Variants in KLHL17 observed in about 807,000 individuals in gnomAD.
KLHL17 encodes kelch like family member 17, also known as kelch-like protein 17.
A neutral mutation model predicts 64.6 loss-of-function variants in KLHL17; 71 were observed. The ratio of observed to expected loss-of-function variants is 1.10; its 90% CI spans 0.91 to 1.34. The LOEUF is 1.34. Among genes scored for constraint, KLHL17 ranks in the 40% most tolerant of loss-of-function variants. The probability of loss-of-function intolerance (pLI) is 0.00; values close to 1 mark genes in which losing one functional copy is unlikely to be tolerated. For missense variants in KLHL17, 1,140 were observed against 935.0 expected, an observed-to-expected ratio of 1.22 and a Z score of -2.86; for synonymous variants, 612 against 405.4, an observed-to-expected ratio of 1.51 and a Z score of -6.12.
chr1:965,455 G>A lies in KLHL17; in HGVS notation c.*264G>A. The A allele has an allele frequency of 5.6e-6, 3 of 538,992 alleles. No individual in the cohort carries two copies. The highest frequency in any genetic ancestry group is 9.8e-6 in the Non-Finnish European group (3 of 304,810). 33.4% of individuals were successfully genotyped at this position (538,992 alleles called of 1,614,324 possible). A position where few individuals can be genotyped will look rare whatever the true frequency, so the allele number is the denominator to read the frequency against. ...GGGGGCGCGGGGAGTGACCAGGCGG[G>A]GGCCTCACCGCCCCAGGGCCGTTGC... On this transcript the variant is annotated 3_prime_UTR_variant, in exon 12 of 12. Coordinates refer to ENST00000338591, the MANE Select transcript of KLHL17 (RefSeq NM_198317.3).
chr1:963,904 G>A lies in KLHL17; in HGVS notation c.1356-16G>A. 2 of 1,611,714 alleles carry A rather than the reference G, an allele frequency of 1.2e-6. No individual in the cohort carries two copies. The highest frequency in any genetic ancestry group is 2.2e-5 in the East Asian group (1 of 44,884). On this transcript the variant is annotated splice_polypyrimidine_tract_variant and intron_variant, in intron 8 of 11. Transcript: ENST00000338591. ...CTGTCTCTGCTGAGCTGTGGCTGCG[G>A]TCCTGGTGCCCACAGTGCTGAACGC...
At position 961,480 on chromosome 1, in the gene KLHL17, G is replaced by A. The variant is rs1213231074; in HGVS notation, c.295G>A (p.Ala99Thr). ...GLLCDIVLHVAAKEIRAHKVV... is the reference protein window; with the variant it reads ...GLLCDIVLHVTAKEIRAHKVV... The stretch of plus-strand genomic sequence containing the variant: ...CCTGTGCGACATCGTCCTGCACGTG[G>A]CTGCCAAGGAGATCCGTGCGCACAA... The change falls in exon 2 of 12, where the codon GCT becomes ACT. Residue 99 changes from alanine (A) to threonine (T), a missense_variant. Ala to Thr is a moderately conservative substitution (Grantham distance 58). Coordinates refer to ENST00000338591, the MANE Select transcript of KLHL17 (RefSeq NM_198317.3). The A allele has an allele frequency of 1.2e-6, 2 of 1,612,500 alleles. No homozygotes were observed. The highest frequency in any genetic ancestry group is 1.1e-5 in the South Asian group (1 of 91,088).
intron 6 of KLHL17, 21 bp downstream of exon 6, chr1:962,938 C>T (rs559100732): frequency 2.3e-5 from 35 of 1,531,110 alleles, no homozygotes; most frequent in South Asian, 1.4e-4. Context: ...CCGCCCGTTT[C>T]CCTCTTGCCC....
rs1028977778 is a variant in KLHL17 at position 963,499 on chromosome 1, G to A, written c.1350G>A (p.Leu450=). Residue 450 remains leucine, a synonymous_variant, in exon 8 of 12, where the codon CTG becomes CTA. Coordinates refer to ENST00000338591, the MANE Select transcript of KLHL17 (RefSeq NM_198317.3). The part of the protein sequence containing the change: ...SAGGYDGASC[L]NSAERYDPLT... Reference sequence around the variant, plus strand: ...GCGGCTATGACGGGGCCTCCTGCCTGAACAGGTAGTTGGGGTTGGGGCCCC... The same window carrying A: ...GCGGCTATGACGGGGCCTCCTGCCTAAACAGGTAGTTGGGGTTGGGGCCCC... 5 of 1,606,672 alleles carry A rather than the reference G, an allele frequency of 3.1e-6. No homozygotes were observed. The highest frequency in any genetic ancestry group is 1.1e-5 in the South Asian group (1 of 90,674).
intron 9 of KLHL17, 33 bp from the exon 10 acceptor site, chr1:964,074 C>T (rs1039675418): frequency 5.6e-6 from 9 of 1,611,822 alleles, no homozygotes; most frequent in Non-Finnish European, 7.6e-6. Context: ...CCACTCCCAG[C>T]AGGAGTGCCA....
intron 4 of KLHL17, 92 bp from the exon 5 acceptor site, chr1:962,263 C>T (rs761213262): frequency 9.2e-5 from 146 of 1,595,426 alleles, no homozygotes; most frequent in Non-Finnish European, 1.2e-4. Context: ...ACTCAGCCCC[C>T]ACCTGCTAAC....
chr1:962,417 C>A lies in KLHL17; in HGVS notation c.774C>A (p.Ala258=), dbSNP rs759200164. The change falls in exon 5 of 12, where the codon GCC becomes GCA. Residue 258 remains alanine (A), a synonymous_variant. Coordinates refer to ENST00000338591, the MANE Select transcript of KLHL17 (RefSeq NM_198317.3). ...NVPSEEEVYR[A]VLSWVKHDVD... The stretch of plus-strand genomic sequence containing the variant: ...CTTCAGAGGAGGAGGTCTACCGAGC[C>A]GTCCTGAGCTGGGTGAAACACGACG... 6.2e-7 allele frequency: 1 copy of A among 1,612,748 alleles called. No individual in the cohort carries two copies. Among genetic ancestry groups the A allele is most frequent in the East Asian group, 2.2e-5 (1 of 44,884 alleles).
chr1:961,926 T>A lies in KLHL17; in HGVS notation c.590T>A (p.Ile197Asn), dbSNP rs1305221636. ...CTCGACCCCTCCAACTGCCTGGGTA[T>A]CCGGGGCTTTGCCGATGCGCACTCC... Reference protein sequence around the residue: ...SQLDPSNCLGIRGFADAHSCS... With the variant: ...SQLDPSNCLGNRGFADAHSCS... The change falls in exon 4 of 12, where the codon ATC becomes AAC. Residue 197 changes from isoleucine to asparagine, a missense_variant. Transcript: ENST00000338591. 6 of 1,612,812 alleles carry A rather than the reference T, an allele frequency of 3.7e-6. No individual in the cohort carries two copies. Among genetic ancestry groups the A allele is most frequent in the Non-Finnish European group, 5.1e-6 (6 of 1,180,004 alleles).
chr1:965,345 TTG>T lies in KLHL17; in HGVS notation c.*155_*156del. On this transcript the variant is annotated 3_prime_UTR_variant, in exon 12 of 12. Coordinates refer to ENST00000338591, the MANE Select transcript of KLHL17 (RefSeq NM_198317.3). ...TTTATTTAGTTATTTATCTTATTTA[TTG>T]AGGGGTGAGGAGTGCCACGGCTGCC... 1.5e-6 allele frequency: 1 copy of T among 686,820 alleles called. No homozygotes were observed. The highest frequency in any genetic ancestry group is 2.4e-6 in the Non-Finnish European group (1 of 420,654). The allele number at this position is 686,820 out of a possible 1,614,324, so 42.5% of individuals were successfully genotyped here.
chr1:963,686 C>T (rs1426629397), intron 8 of KLHL17, 182 bp downstream of exon 8: 5 of 851,068 alleles, frequency 5.9e-6, no homozygotes, highest in East Asian at 2.7e-5. Flanking sequence ...GTGCCCTTTC[C>T]TCTCTCGGGT....
In KLHL17 at chr1:960,715, C is replaced by A. The variant is rs1379619445; in HGVS notation, c.22C>A (p.Pro8Thr). 5 of 1,350,582 alleles carry A rather than the reference C, an allele frequency of 3.7e-6. No individual in the cohort carries two copies. Among genetic ancestry groups the A allele is most frequent in the South Asian group, 1.5e-5 (1 of 65,814 alleles). The allele number at this position is 1,350,582 out of a possible 1,614,324, so 83.7% of individuals were successfully genotyped here. ...CCGAATGCAGCCCCGCAGCGAGCGC[C>A]CGGCCGGCAGGACGCAGAGCCCGGA... is the stretch of plus-strand genomic sequence containing the variant. The part of the protein sequence containing the change: MQPRSER[P>T]AGRTQSPEHG... Residue 8 changes from proline to threonine, a missense_variant, in exon 1 of 12, where the codon CCG becomes ACG. Transcript: ENST00000338591.
At position 963,260 on chromosome 1, in the gene KLHL17, C is replaced by G. The variant is rs1190672949; in HGVS notation, c.1187+7C>G. On this transcript the variant is annotated splice_region_variant and intron_variant, in intron 7 of 11. Transcript: ENST00000338591. Reference sequence around the variant, plus strand: ...GGCTCTATGCTGTGGGCGGGTAAGCCTGGAGGCTGGACTTGGGTCGGGTCT... The same window carrying G: ...GGCTCTATGCTGTGGGCGGGTAAGCGTGGAGGCTGGACTTGGGTCGGGTCT... 3 of 1,600,138 alleles carry G rather than the reference C, an allele frequency of 1.9e-6. No individual in the cohort carries two copies. In the African/African-American group the frequency reaches 4.0e-5, roughly 21 times the overall value.
chr1:965,091 T>C lies in KLHL17; in HGVS notation c.1829T>C (p.Met610Thr), dbSNP rs774773635. Residue 610 changes from methionine (M) to threonine (T), a missense_variant, in exon 12 of 12, where the codon ATG becomes ACG. By Grantham distance (81) the Met-to-Thr change is moderately conservative. Coordinates refer to ENST00000338591, the MANE Select transcript of KLHL17 (RefSeq NM_198317.3). ...AACAAGTGGGTGGCCGCATCCTGCA[T>C]GTTCACCCGGCGCAGCAGTGTGGGT... The part of the protein sequence containing the change: ...RTNKWVAASC[M>T]FTRRSSVGVA... The C allele has an allele frequency of 6.2e-7, 1 of 1,612,656 alleles. No individual in the cohort carries two copies. Among genetic ancestry groups the C allele is most frequent in the Non-Finnish European group, 8.5e-7 (1 of 1,179,804 alleles).
Position 964,502 on chromosome 1 carries a change from G to T in KLHL17, c.1672G>T (p.Glu558Ter). 6.5e-7 allele frequency: 1 copy of T among 1,528,478 alleles called. No homozygotes were observed. The highest frequency in any genetic ancestry group is 1.4e-5 in the African/African-American group (1 of 72,336). The allele number at this position is 1,528,478 out of a possible 1,614,324, so 94.7% of individuals were successfully genotyped here. A position where few individuals can be genotyped will look rare whatever the true frequency, so the allele number is the denominator to read the frequency against. The change falls in exon 11 of 12, where the codon GAA becomes TAA. Residue 558 changes from glutamate (E) to a stop codon, truncating the protein, a stop_gained. Coordinates refer to ENST00000338591, the MANE Select transcript of KLHL17 (RefSeq NM_198317.3). LOFTEE classifies it high-confidence loss of function. ...ERYSPKAGAW[E>*]SVAPMNIRRS... ...ATACAGTCCAAAGGCTGGAGCCTGG[G>T]AAAGCGTGGCGCCCATGAATATCCG...
chr1:963,942 A>C lies in KLHL17; in HGVS notation c.1378A>C (p.Thr460Pro). ...CAGTGCTGAACGCTACGACCCCCTG[A>C]CCGGAACGTGGACGTCCGTCGCTGC... is the stretch of plus-strand genomic sequence containing the variant. Reference protein sequence around the residue: ...LNSAERYDPLTGTWTSVAAMS... With the variant: ...LNSAERYDPLPGTWTSVAAMS... Residue 460 changes from threonine to proline, a missense_variant, in exon 9 of 12, where the codon ACC becomes CCC. Transcript: ENST00000338591. The C allele has an allele frequency of 1.2e-6, 2 of 1,612,444 alleles. No individual in the cohort carries two copies. The highest frequency in any genetic ancestry group is 1.7e-6 in the Non-Finnish European group (2 of 1,179,902).
Position 965,249 on chromosome 1 carries a change from C to T in KLHL17, c.*58C>T, listed in dbSNP as rs1481907624. 6.2e-6 allele frequency: 9 copies of T among 1,450,468 alleles called. No homozygotes were observed. Among genetic ancestry groups the T allele is most frequent in the African/African-American group, 2.8e-5 (2 of 71,506 alleles). The allele number at this position is 1,450,468 out of a possible 1,614,324, so 89.8% of individuals were successfully genotyped here. ...CATGCCTTAAGGGGACCGTGGCCCC[C>T]ACCAGGGACGTCCTGCGCCATCCGT... On this transcript the variant is annotated 3_prime_UTR_variant, in exon 12 of 12. Transcript: ENST00000338591.
Position 961,433 on chromosome 1 carries a change from G to A in KLHL17, c.248G>A (p.Ser83Asn), listed in dbSNP as rs756648043. The change falls in exon 2 of 12, where the codon AGC (serine) becomes AAC (asparagine). Residue 83 changes from serine to asparagine, a missense_variant. Coordinates refer to ENST00000338591, the MANE Select transcript of KLHL17 (RefSeq NM_198317.3). The stretch of plus-strand genomic sequence containing the variant: ...TACCACGATGCCTTCGTGGCCATGA[G>A]CCGCATGCGCCAGCGCGGCCTCCTG... ...RHYHDAFVAM[S>N]RMRQRGLLCD... 1.2e-6 allele frequency: 2 copies of A among 1,611,952 alleles called. No individual in the cohort carries two copies. The highest frequency in any genetic ancestry group is 1.3e-5 in the African/African-American group (1 of 74,944).
chr1:961,733 G>C lies in KLHL17; in HGVS notation c.472G>C (p.Gly158Arg). The change falls in exon 3 of 12, where the codon GGC (glycine) becomes CGC (arginine). Residue 158 changes from glycine to arginine, a missense_variant. Gly to Arg is a moderately radical substitution (Grantham distance 125). Transcript: ENST00000338591. ...TGCCTACACGGCTGAGATTGTGGTG[G>C]GCGAGGGCAATGTGCAGGTGAGGGC... ...QFAYTAEIVV[G>R]EGNVQTLLPA... 2 of 1,612,000 alleles carry C rather than the reference G, an allele frequency of 1.2e-6. No individual in the cohort carries two copies. The highest frequency in any genetic ancestry group is 1.1e-5 in the South Asian group (1 of 90,976).
At chr1:960,835 C>G (rs1642606237) in intron 1 of KLHL17, 35 bp downstream of exon 1, 1 of 986,708 alleles carries the variant, frequency 1.0e-6, no homozygotes. Context: ...GGGGGGCGGC[C>G]TCGGGACCTG....
Sources: allele counts gnomAD v4.1 joint callset, GRCh38; gene constraint gnomAD v4.1.1; transcripts MANE v1.5; gene names NCBI Gene and HGNC (gene_info 2026-07-23, HGNC 2026-07-21).